The following ROBO2 variants were observed in gnomAD, a reference collection of about 807,000 sequenced individuals.
ROBO2 encodes the protein roundabout homolog 2.
ROBO2 carries 53 observed loss-of-function variants against 160.8 expected under a neutral mutation model. The observed-to-expected ratio is 0.33, with a 90% CI of 0.26 to 0.41. ROBO2 has a LOEUF of 0.41. ROBO2 is among the 10% of genes least tolerant of loss of function. The pLI is 1.00. For missense variants in ROBO2, 1,577 were observed against 1,722.4 expected, an observed-to-expected ratio of 0.92 and a Z score of 1.49; for synonymous variants, 664 against 611.7, an observed-to-expected ratio of 1.09 and a Z score of -1.26.
At chr3:76,206,398 T>C (rs1001786285) in intron 2 of ROBO2, among the ~76,000 whole-genome samples, 1 of 152,236 alleles carries the variant, frequency 6.6e-6, no homozygotes, top group Non-Finnish European at 1.5e-5. Context: ...TTTCCATCTC[T>C]AATTAATGTA....
chr3:77,170,557 G>A (rs144250739), intron 2 of ROBO2, among the ~76,000 whole-genome samples: 2 of 152,058 alleles, frequency 1.3e-5, no homozygotes, highest in East Asian at 1.9e-4. Context: ...TATAAAATAC[G>A]TATCTTCTCT....
intron 2 of ROBO2, among the ~76,000 whole-genome samples, chr3:76,657,925 G>A (rs2091642795): frequency 6.7e-6 from 1 of 148,972 alleles, no homozygotes; most frequent in Non-Finnish European, 1.5e-5. Context: ...AACATTAGCT[G>A]GGCATGGTGG....
At chr3:77,589,047 G>A in intron 17 of ROBO2, 114 bp downstream of exon 18, 1 of 1,216,230 alleles carries the variant, frequency 8.2e-7, no homozygotes, top group Non-Finnish European at 1.2e-6. Context: ...TTAGAAACCT[G>A]CACTGTAAAA....
intron 2 of ROBO2, among the ~76,000 whole-genome samples, chr3:76,211,335 A>C (rs1251963329): frequency 1.3e-5 from 2 of 152,086 alleles, no homozygotes; most frequent in East Asian, 3.9e-4. Flanking sequence ...AGGATGTTTG[A>C]TTTGAAATTT....
intron 2 of ROBO2, among the ~76,000 whole-genome samples, chr3:76,336,373 G>T (rs1480395049): frequency 6.6e-6 from 1 of 152,192 alleles, no homozygotes; most frequent in African/African-American, 2.4e-5. Context: ...AGGTGATTCT[G>T]TGCCCAGCTA....
rs527851686 is a variant in ROBO2, at chr3:76,333,909, G to A, written c.109+396307G>A. ...TCGCAAGGACAAAAAACCAAGCACC[G>A]CATGTTCTTACTCATAGGTGGGAAT... On this transcript the variant is annotated intron_variant, in intron 2 of 26. Coordinates refer to the ROBO2 transcript ENST00000487694. Among the ~76,000 whole-genome samples the A allele has an allele frequency of 5.0e-4, 76 of 152,228 alleles. 1 individual carries two copies. The highest frequency in any genetic ancestry group is 6.8e-3 in the Middle Eastern group (2 of 294).
chr3:77,566,093 C>A (rs1030767442), intron 12 of ROBO2, among the ~76,000 whole-genome samples: 4 of 152,008 alleles, frequency 2.6e-5, no homozygotes, highest in African/African-American at 9.7e-5. Context: ...CAATGAAAAG[C>A]ACCATACAGC....
chr3:77,261,074 A>C (rs2058742910), intron 2 of ROBO2, among the ~76,000 whole-genome samples: 1 of 152,174 alleles, frequency 6.6e-6, no homozygotes. Context: ...TCAGCCTGTC[A>C]CGTATCTGAG....
At chr3:76,541,696 C>A (rs752385869) in intron 2 of ROBO2, among the ~76,000 whole-genome samples, 1 of 152,138 alleles carries the variant, frequency 6.6e-6, no homozygotes, top group Non-Finnish European at 1.5e-5. Context: ...GATTTCAGAC[C>A]TGGTGTAAGT....
intron 2 of ROBO2, among the ~76,000 whole-genome samples, chr3:76,646,684 A>G (rs930283650): frequency 6.6e-5 from 10 of 152,144 alleles, no homozygotes; most frequent in Non-Finnish European, 1.2e-4. Context: ...ATAAGAGTTA[A>G]GTTGCTTTGC....
intron 2 of ROBO2, among the ~76,000 whole-genome samples, chr3:76,447,042 G>A (rs527628127): frequency 9.1e-4 from 139 of 152,202 alleles, no homozygotes; most frequent in African/African-American, 3.0e-3. Flanking sequence ...TTGACAGATG[G>A]GATCTAATTA....
At chr3:76,575,638 C>T (rs753513643) in intron 2 of ROBO2, among the ~76,000 whole-genome samples, 2 of 152,034 alleles carry the variant, frequency 1.3e-5, no homozygotes, top group Non-Finnish European at 2.9e-5. Flanking sequence ...TATAGAAAGA[C>T]AAGCAATTCA....
intron 2 of ROBO2, among the ~76,000 whole-genome samples, chr3:76,104,470 T>C (rs2069834853): frequency 6.6e-6 from 1 of 152,192 alleles, no homozygotes; most frequent in Admixed American, 6.5e-5. Context: ...TGTGGCTTTG[T>C]CAAGTTAAAC....
chr3:76,330,801 G>GT (rs71277586), intron 2 of ROBO2, among the ~76,000 whole-genome samples: 15,814 of 152,112 alleles, frequency 0.1, 901 homozygotes, highest in African/African-American at 0.13. Flanking sequence ...TTAATAAATG[G>GT]TCCAGTGATG....
chr3:77,355,922 T>G (rs1258649721), intron 2 of ROBO2, among the ~76,000 whole-genome samples: 1 of 124,400 alleles, frequency 8.0e-6, no homozygotes, highest in African/African-American at 2.9e-5. Flanking sequence ...AGACAGATAA[T>G]CCAAAAAAAA....
chr3:77,527,866 A>T (rs2091314864), intron 6 of ROBO2, among the ~76,000 whole-genome samples: 1 of 151,518 alleles, frequency 6.6e-6, no homozygotes, highest in African/African-American at 2.4e-5. Context: ...TATTTTAGGG[A>T]TATTTTTAGC....
At chr3:77,069,624 A>T (rs1396743943) in intron 1 of ROBO2, among the ~76,000 whole-genome samples, 3 of 152,218 alleles carry the variant, frequency 2.0e-5, no homozygotes, top group Admixed American at 1.3e-4. Context: ...TGGTGGTTAG[A>T]TTGAATAACT....
chr3:76,896,428 T>G (rs2148846438), intron 2 of ROBO2, among the ~76,000 whole-genome samples: 1 of 152,256 alleles, frequency 6.6e-6, no homozygotes, highest in South Asian at 2.1e-4. Flanking sequence ...TATTGACTAC[T>G]TAAATCCTGC....
intron 2 of ROBO2, among the ~76,000 whole-genome samples, chr3:76,175,977 A>T (rs1486252632): frequency 4.6e-5 from 7 of 150,544 alleles, no homozygotes; most frequent in African/African-American, 1.5e-4. Context: ...AGAATTTTTT[A>T]TTTTTTTTTC....
Sources: allele counts gnomAD v4.1 joint callset (sites outside exome capture counted in the v4.1 genomes callset), GRCh38; gene constraint gnomAD v4.1.1; transcripts MANE v1.5; gene names NCBI Gene and HGNC (gene_info 2026-07-23, HGNC 2026-07-21).